The following RPH3A variants were observed in gnomAD, a reference collection of about 807,000 sequenced individuals.
The protein encoded by RPH3A is rabphilin-3A.
Under a neutral mutation model 102.2 loss-of-function variants are expected in RPH3A, and 48 were observed. The ratio of observed to expected loss-of-function variants is 0.47; its 90% confidence interval spans 0.37 to 0.60. The LOEUF is 0.60. Among genes scored for constraint, RPH3A ranks in the 20% least tolerant of loss-of-function variants. RPH3A has a pLI of 0.00. For synonymous variants in RPH3A, 310 were observed against 324.3 expected (o/e 0.96, Z 0.47); for missense variants, 781 against 910.1 (o/e 0.86, Z 1.83).
intron 1 of RPH3A, among the ~76,000 whole-genome samples, chr12:112,778,599 T>C (rs2040985073): frequency 6.6e-6 from 1 of 152,056 alleles, no homozygotes; most frequent in Non-Finnish European, 1.5e-5. Context: ...TGGAAAAGTG[T>C]GGGGGCTTCA....
At chr12:112,635,300 G>A (rs2039840072) in intron 1 of RPH3A, among the ~76,000 whole-genome samples, 1 of 152,154 alleles carries the variant, frequency 6.6e-6, no homozygotes, top group South Asian at 2.1e-4. Flanking sequence ...GTAATATCCT[G>A]GCAATGTAGT....
intron 1 of RPH3A, among the ~76,000 whole-genome samples, chr12:112,598,989 A>G (rs73431635): frequency 0.024 from 3,689 of 152,270 alleles, 150 homozygotes; most frequent in African/African-American, 0.085. Context: ...GGTGTGTAAC[A>G]TGTTCCCCTC....
intron 4 of RPH3A, chr12:112,842,104 G>A: frequency 4.4e-6 from 2 of 449,956 alleles, no homozygotes; most frequent in Admixed American, 4.7e-5. Context: ...CCACCCCTGG[G>A]TCAGTGACTC....
chr12:112,657,584 T>C (rs1286204512), intron 1 of RPH3A, among the ~76,000 whole-genome samples: 1 of 152,168 alleles, frequency 6.6e-6, no homozygotes, highest in African/African-American at 2.4e-5. Context: ...ATGGTTATGA[T>C]GTCATTAGGT....
chr12:112,580,588 A>G (rs1327519895), intron 1 of RPH3A, among the ~76,000 whole-genome samples: 1 of 151,128 alleles, frequency 6.6e-6, no homozygotes, highest in Non-Finnish European at 1.5e-5. Context: ...TTGTATTTTT[A>G]GTAGAGATGG....
intron 10 of RPH3A, among the ~76,000 whole-genome samples, chr12:112,871,776 AT>A (rs1317356286): frequency 6.7e-6 from 1 of 149,286 alleles, no homozygotes; most frequent in African/African-American, 2.4e-5. Context: ...TATATATAAT[AT>A]AAAATATACA....
At chr12:112,866,455 G>A (rs962433896) in intron 6 of RPH3A, among the ~76,000 whole-genome samples, 3 of 152,040 alleles carry the variant, frequency 2.0e-5, no homozygotes, top group Non-Finnish European at 2.9e-5. Flanking sequence ...ATGGATATAT[G>A]GTCATTCCTC....
intron 1 of RPH3A, among the ~76,000 whole-genome samples, chr12:112,639,396 C>T (rs376247460): frequency 3.9e-5 from 6 of 151,950 alleles, no homozygotes; most frequent in Non-Finnish European, 8.8e-5. Flanking sequence ...AACACAGGAA[C>T]GGAAAACCAA....
intron 1 of RPH3A, among the ~76,000 whole-genome samples, chr12:112,603,041 G>A (rs1319805572): frequency 6.6e-6 from 1 of 152,178 alleles, no homozygotes; most frequent in Non-Finnish European, 1.5e-5. Context: ...GGAGAAGTAT[G>A]ATTGGACAAA....
In RPH3A at chr12:112,891,098, C is replaced by T. The variant is rs532325728; in HGVS notation, c.1775+95C>T. 49 of 1,434,202 alleles carry T rather than the reference C, an allele frequency of 3.4e-5. No individual in the cohort carries two copies. In the South Asian group the frequency reaches 5.9e-4, roughly 17 times the overall value. 88.8% of individuals were successfully genotyped at this position (1,434,202 alleles called of 1,614,324 possible). A position where few individuals can be genotyped will look rare whatever the true frequency, so the allele number is the denominator to read the frequency against. On this transcript the variant is annotated intron_variant, in intron 19 of 21. Transcript: ENST00000389385. ...ACAGTTTCACCAAGATCGTTGTACA[C>T]TGAGACCCAGAGAGGGCAAGGAACC...
intron 5 of RPH3A, among the ~76,000 whole-genome samples, chr12:112,863,082 C>A (rs1224564822): frequency 7.2e-5 from 11 of 151,958 alleles, no homozygotes; most frequent in African/African-American, 2.7e-4. Context: ...AAGTGACCCC[C>A]CCAAAAAAAA....
intron 5 of RPH3A, among the ~76,000 whole-genome samples, chr12:112,857,947 A>C (rs1480432573): frequency 1.3e-5 from 2 of 152,090 alleles, no homozygotes; most frequent in African/African-American, 4.8e-5. Flanking sequence ...TGAGCCTCCC[A>C]AGGGCTCCAT....
intron 1 of RPH3A, among the ~76,000 whole-genome samples, chr12:112,678,029 A>G (rs996229975): frequency 6.6e-6 from 1 of 151,590 alleles, no homozygotes; most frequent in African/African-American, 2.4e-5. Flanking sequence ...TGTCTCTACT[A>G]TTAGTAAAAA....
intron 1 of RPH3A, among the ~76,000 whole-genome samples, chr12:112,704,157 C>T (rs1184642235): frequency 6.6e-6 from 1 of 151,494 alleles, no homozygotes; most frequent in African/African-American, 2.4e-5. Flanking sequence ...GGCATGATCT[C>T]AACTCACTGC....
intron 1 of RPH3A, among the ~76,000 whole-genome samples, chr12:112,775,320 A>G (rs1195937624): frequency 6.6e-6 from 1 of 152,246 alleles, no homozygotes; most frequent in Non-Finnish European, 1.5e-5. Flanking sequence ...TAAGTGTAAT[A>G]ATAAGCAAAT....
chr12:112,600,280 G>C (rs1308903797), intron 1 of RPH3A, among the ~76,000 whole-genome samples: 1 of 152,148 alleles, frequency 6.6e-6, no homozygotes, highest in African/African-American at 2.4e-5. Flanking sequence ...GCTCTCCCCA[G>C]GTTGTGCTGA....
chr12:112,863,293 C>T (rs1204070609), intron 5 of RPH3A, among the ~76,000 whole-genome samples: 1 of 152,144 alleles, frequency 6.6e-6, no homozygotes, highest in Non-Finnish European at 1.5e-5. Context: ...TAGGGTCATG[C>T]GTATGAAGCA....
intron 1 of RPH3A, among the ~76,000 whole-genome samples, chr12:112,782,669 T>C (rs773209328): frequency 6.6e-6 from 1 of 152,252 alleles, no homozygotes; most frequent in African/African-American, 2.4e-5. Context: ...TATTTATGAA[T>C]GGAGTCATCT....
intron 5 of RPH3A, among the ~76,000 whole-genome samples, chr12:112,858,085 C>T (rs1031280335): frequency 6.6e-6 from 1 of 151,664 alleles, no homozygotes; most frequent in Non-Finnish European, 1.5e-5. Context: ...CGAGCCTGAG[C>T]AATATAGTGA....
Sources: allele counts gnomAD v4.1 joint callset (sites outside exome capture counted in the v4.1 genomes callset), GRCh38; gene constraint gnomAD v4.1.1; transcripts MANE v1.5; gene names NCBI Gene and HGNC (gene_info 2026-07-23, HGNC 2026-07-21).